The following SCAPER variants were observed in gnomAD, a reference collection of about 807,000 sequenced individuals.
SCAPER encodes S phase cyclin A-associated protein in the endoplasmic reticulum.
Under a neutral mutation model 182.2 loss-of-function variants are expected in SCAPER, and 98 were observed. The observed-to-expected ratio is 0.54, with a 90% CI of 0.46 to 0.64. The LOEUF (loss-of-function observed/expected upper bound fraction) is 0.64, where lower values mean the gene tolerates loss of function less well. SCAPER is among the 30% of genes least tolerant of loss of function. The pLI is 0.00. For missense variants in SCAPER, 1,432 were observed against 1,690.0 expected, an observed-to-expected ratio of 0.85 and a Z score of 2.68; for synonymous variants, 605 against 564.6, an observed-to-expected ratio of 1.07 and a Z score of -1.01.
At chr15:76,664,654 C>T (rs977735728) in intron 21 of SCAPER, among the ~76,000 whole-genome samples, 2 of 152,016 alleles carry the variant, frequency 1.3e-5, no homozygotes, top group African/African-American at 4.8e-5. Context: ...AAAACAGGCC[C>T]TTAAAACATT....
rs768122150 is a variant in SCAPER at position 76,771,870 on chromosome 15, G to A, written c.1120C>T (p.His374Tyr). ...ACTGAAACACACTCTGTATCAATGT[G>A]GACAGCAGATATTTCAGAAGTTCGA... is the stretch of plus-strand genomic sequence containing the variant. ...YVRTSEISAV[H>Y]IDTECVSVML... is the part of the protein sequence containing the mutation. Residue 374 changes from histidine to tyrosine, a missense_variant, in exon 10 of 32, where the codon CAC becomes TAC. This residue lies in a region of SCAPER where 480 missense variants were observed against 510.2 expected (regional missense o/e 0.94). Coordinates refer to ENST00000563290, the MANE Select transcript of SCAPER (RefSeq NM_020843.4). The A allele has an allele frequency of 1.9e-6, 3 of 1,612,840 alleles. No individual in the cohort carries two copies. The highest frequency in any genetic ancestry group is 2.7e-5 in the African/African-American group (2 of 74,988).
intron 17 of SCAPER, among the ~76,000 whole-genome samples, chr15:76,715,617 T>C (rs901249730): frequency 6.6e-6 from 1 of 152,048 alleles, no homozygotes; most frequent in Non-Finnish European, 1.5e-5. Context: ...TGGGCTATTA[T>C]ACCAAGTCAG....
chr15:76,383,410 G>A (rs191046990), intron 27 of SCAPER, among the ~76,000 whole-genome samples: 5 of 152,012 alleles, frequency 3.3e-5, no homozygotes, highest in Admixed American at 6.5e-5. Flanking sequence ...TCATAACCAC[G>A]GTACACATTC....
chr15:76,563,399 T>C (rs2145184559), intron 23 of SCAPER, among the ~76,000 whole-genome samples: 1 of 152,262 alleles, frequency 6.6e-6, no homozygotes, highest in East Asian at 1.9e-4. Flanking sequence ...AATACCTCTA[T>C]GCACATAAAC....
chr15:76,813,932 C>A (rs2066868712), intron 5 of SCAPER, among the ~76,000 whole-genome samples: 2 of 152,060 alleles, frequency 1.3e-5, no homozygotes, highest in Admixed American at 1.3e-4. Context: ...CTTTGGGAGG[C>A]CAAGGTGGGC....
chr15:76,778,850 T>C (rs2063911083), intron 8 of SCAPER, among the ~76,000 whole-genome samples: 1 of 152,026 alleles, frequency 6.6e-6, no homozygotes, highest in African/African-American at 2.4e-5. Context: ...CTATATGTTA[T>C]CTAAAAGCAA....
At chr15:76,513,468 A>T (rs2042198695) in intron 23 of SCAPER, among the ~76,000 whole-genome samples, 4 of 152,146 alleles carry the variant, frequency 2.6e-5, no homozygotes. Context: ...AAAATATTAA[A>T]ACTAAGAGAG....
intron 5 of SCAPER, 26 bp from the exon 6 acceptor site, chr15:76,804,659 T>C (rs2066023109): frequency 6.9e-7 from 1 of 1,456,544 alleles, no homozygotes; most frequent in East Asian, 2.3e-5. Flanking sequence ...CAAAAAAAAA[T>C]TAAATTCCAG....
In SCAPER at chr15:76,591,253, T is replaced by C. The variant is rs754370391; in HGVS notation, c.2712-16969A>G. On this transcript the variant is annotated intron_variant, in intron 22 of 31. Coordinates refer to ENST00000563290, the MANE Select transcript of SCAPER (RefSeq NM_020843.4). ...TGTATTAACAATTTCAAGACAGCAATAGTCGACTTAAACCAGGGTGGAACC... is the reference window on the plus strand; with the variant it reads ...TGTATTAACAATTTCAAGACAGCAACAGTCGACTTAAACCAGGGTGGAACC... 9.2e-5 allele frequency among the ~76,000 whole-genome samples: 14 copies of C among 151,968 alleles called. 1 individual carries two copies. Among genetic ancestry groups the C allele is most frequent in the Non-Finnish European group, 1.6e-4 (11 of 67,932 alleles).
At chr15:76,870,323 T>G (rs980734361) in intron 2 of SCAPER, among the ~76,000 whole-genome samples, 4 of 152,034 alleles carry the variant, frequency 2.6e-5, no homozygotes, top group African/African-American at 4.8e-5. Flanking sequence ...ATTATATGAA[T>G]GTAATCAATT....
intron 22 of SCAPER, among the ~76,000 whole-genome samples, chr15:76,582,519 G>A (rs2048339881): frequency 6.6e-6 from 1 of 152,174 alleles, no homozygotes; most frequent in Non-Finnish European, 1.5e-5. Flanking sequence ...ATTATATGAA[G>A]TAATCTACAG....
At chr15:76,421,306 C>G (rs369982176) in intron 26 of SCAPER, among the ~76,000 whole-genome samples, 1 of 152,098 alleles carries the variant, frequency 6.6e-6, no homozygotes. Context: ...TTTTAATGAT[C>G]GCCATTCTAA....
At chr15:76,735,862 A>T (rs1348619850) in intron 15 of SCAPER, among the ~76,000 whole-genome samples, 3 of 152,230 alleles carry the variant, frequency 2.0e-5, no homozygotes, top group Non-Finnish European at 2.9e-5. Context: ...GTATGTCCTT[A>T]TCCACAGGGA....
chr15:76,725,077 C>T (rs1348528174), intron 17 of SCAPER, among the ~76,000 whole-genome samples: 3 of 151,972 alleles, frequency 2.0e-5, no homozygotes, highest in Non-Finnish European at 2.9e-5. Context: ...CTCTCCACCC[C>T]CCAATAAATG....
At chr15:76,613,110 T>C (rs2051148738) in intron 22 of SCAPER, among the ~76,000 whole-genome samples, 1 of 151,982 alleles carries the variant, frequency 6.6e-6, no homozygotes, top group Non-Finnish European at 1.5e-5. Flanking sequence ...CGCCCAGAAA[T>C]AAAGCCACAC....
intron 22 of SCAPER, among the ~76,000 whole-genome samples, chr15:76,611,492 C>T (rs931995042): frequency 1.3e-5 from 2 of 152,090 alleles, no homozygotes; most frequent in African/African-American, 4.8e-5. Flanking sequence ...TGAAGTCTAA[C>T]AGATGTACAA....
At chr15:76,626,822 G>A (rs1235415424) in intron 21 of SCAPER, among the ~76,000 whole-genome samples, 1 of 152,152 alleles carries the variant, frequency 6.6e-6, no homozygotes, top group African/African-American at 2.4e-5. Context: ...GAATGTGTAC[G>A]CTCTTAAAAG....
rs972307725 is a variant in SCAPER, at chr15:76,376,291, G to A, written c.3726C>T (p.Gly1242=). The A allele has an allele frequency of 4.3e-6, 7 of 1,613,240 alleles. No individual in the cohort carries two copies. In the African/African-American group the frequency reaches 9.3e-5, roughly 22 times the overall value. The change falls in exon 29 of 32, where the codon GGC becomes GGT. Residue 1242 remains glycine (G), a synonymous_variant. Transcript: ENST00000563290. ...PAFQSIVGAE[G]LSLAFRHMAS... ...CCATGTGCCGGAATGCAAGGGACAA[G>A]CCCTCTGCCCCTACAATAGACTGAC...
At chr15:76,631,740 G>A (rs546734657) in intron 21 of SCAPER, among the ~76,000 whole-genome samples, 29 of 152,202 alleles carry the variant, frequency 1.9e-4, no homozygotes, top group African/African-American at 7.0e-4. Context: ...CTCTGACCTT[G>A]GAGAATGTGA....
Sources: gnomAD v4.1 joint callset for allele counts (sites outside exome capture counted in the v4.1 genomes callset) on GRCh38, gnomAD v4.1.1 for gene constraint, gnomAD v4.1.1 regional missense constraint, MANE v1.5 for transcripts, NCBI Gene and HGNC (gene_info 2026-07-23, HGNC 2026-07-21) for gene names.